Variants in ADGRF5 observed in about 807,000 individuals in gnomAD.
ADGRF5 encodes G-protein coupled receptor 116.
A neutral mutation model predicts 132.3 loss-of-function variants in ADGRF5; 75 were observed. The ratio of observed to expected loss-of-function variants is 0.57; its 90% CI spans 0.47 to 0.69. ADGRF5 has a LOEUF of 0.69. Among genes scored for constraint, ADGRF5 ranks in the 30% least tolerant of loss-of-function variants. The pLI is 0.00. For synonymous variants in ADGRF5, 629 were observed against 597.6 expected, an observed-to-expected ratio of 1.05 and a Z score of -0.77; for missense variants, 1,516 against 1,630.6, an observed-to-expected ratio of 0.93 and a Z score of 1.21.
rs1311137841 is a variant in ADGRF5 at position 46,889,552 on chromosome 6, ATG to A, written c.158-1049_158-1048del. ...ATGTTTATATAGACACTATATATAT[ATG>A]TGTGTGTGTGTGTGTATATATATAT... On this transcript the variant is annotated intron_variant, in intron 3 of 20. Transcript: ENST00000283296. Among the ~76,000 whole-genome samples the A allele has an allele frequency of 7.6e-3, 941 of 124,146 alleles. 12 individuals are homozygous for A. The highest frequency in any genetic ancestry group is 0.033 in the Middle Eastern group (7 of 212). The allele number at this position is 124,146 out of a possible 152,430, so 81.4% of individuals were successfully genotyped here.
At chr6:46,885,998 A>C (rs1460137574) in intron 4 of ADGRF5, among the ~76,000 whole-genome samples, 1 of 152,236 alleles carries the variant, frequency 6.6e-6, no homozygotes, top group Non-Finnish European at 1.5e-5. Context: ...GAGTGCAAGT[A>C]AATTTGTGTC....
intron 3 of ADGRF5, among the ~76,000 whole-genome samples, chr6:46,899,668 G>GTCTGT (rs1554207038): frequency 1.5e-5 from 1 of 67,910 alleles, no homozygotes; most frequent in African/African-American, 3.1e-5. Flanking sequence ...TTTTTTTTTT[G>GTCTGT]TTTGTTTTGT....
At chr6:46,889,992 T>C (rs75702458) in intron 3 of ADGRF5, among the ~76,000 whole-genome samples, 161 of 152,178 alleles carry the variant, frequency 1.1e-3, no homozygotes, top group African/African-American at 3.2e-3. Flanking sequence ...ACCAGATCTA[T>C]GACCTAATCT....
intron 13 of ADGRF5, among the ~76,000 whole-genome samples, chr6:46,866,267 G>T (rs1340975764): frequency 6.6e-6 from 1 of 152,064 alleles, no homozygotes; most frequent in Non-Finnish European, 1.5e-5. Flanking sequence ...CAGAGATGAG[G>T]CCAAGGTCTC....
At chr6:46,904,713 C>T (rs1775137306) in intron 2 of ADGRF5, among the ~76,000 whole-genome samples, 1 of 152,056 alleles carries the variant, frequency 6.6e-6, no homozygotes, top group African/African-American at 2.4e-5. Flanking sequence ...CATATTTTTT[C>T]ACAATTTCAA....
intron 3 of ADGRF5, among the ~76,000 whole-genome samples, chr6:46,893,615 C>A (rs114858464): frequency 2.0e-5 from 3 of 152,176 alleles, no homozygotes; most frequent in Non-Finnish European, 4.4e-5. Context: ...GGCATGAGGA[C>A]AGTTCCTCAA....
At chr6:46,935,202 A>C (rs1777760256) in intron 1 of ADGRF5, among the ~76,000 whole-genome samples, 2 of 151,650 alleles carry the variant, frequency 1.3e-5, no homozygotes, top group South Asian at 4.2e-4. Flanking sequence ...ACAGGGTTTC[A>C]CTGTGTTAGC....
At chr6:46,891,385 A>G (rs1183680477) in intron 3 of ADGRF5, among the ~76,000 whole-genome samples, 1 of 152,244 alleles carries the variant, frequency 6.6e-6, no homozygotes, top group East Asian at 1.9e-4. Context: ...CATAATATTT[A>G]CAAGTTCTGC....
intron 19 of ADGRF5, 103 bp from the exon 20 acceptor site, chr6:46,856,161 C>A: frequency 2.9e-6 from 2 of 681,994 alleles, no homozygotes; most frequent in Non-Finnish European, 5.3e-6. Context: ...TGGTCACTGC[C>A]GGAATCTCTA....
At chr6:46,904,858 C>A (rs1168942410) in intron 2 of ADGRF5, among the ~76,000 whole-genome samples, 1 of 152,126 alleles carries the variant, frequency 6.6e-6, no homozygotes, top group Non-Finnish European at 1.5e-5. Context: ...CAATGGGAGT[C>A]TTCAGCCTTT....
chr6:46,872,996 T>G (rs1207673488), intron 10 of ADGRF5, among the ~76,000 whole-genome samples: 1 of 152,194 alleles, frequency 6.6e-6, no homozygotes, highest in Non-Finnish European at 1.5e-5. Context: ...CTGATTTCCC[T>G]CTTTATCTAT....
At chr6:46,855,657 T>G (rs926169343) in intron 20 of ADGRF5, among the ~76,000 whole-genome samples, 2 of 152,216 alleles carry the variant, frequency 1.3e-5, no homozygotes, top group Non-Finnish European at 2.9e-5. Flanking sequence ...AAGAACTCTG[T>G]GTTTGACAAG....
At position 46,900,077 on chromosome 6, in the gene ADGRF5, G is replaced by A. The variant is rs1774595551; in HGVS notation, c.109C>T (p.His37Tyr). 6.2e-7 allele frequency: 1 copy of A among 1,611,054 alleles called. No individual in the cohort carries two copies. Among genetic ancestry groups the A allele is most frequent in the East Asian group, 2.2e-5 (1 of 44,860 alleles). ...YESTIHPLSL[H>Y]EHEPAGEEAL... is the part of the protein sequence containing the mutation. ...TCTTCACCAGCTGGTTCATGTTCAT[G>A]AAGACTCTGAAAAGAACATTTGAGA... Residue 37 changes from histidine to tyrosine, a missense_variant, in exon 3 of 21, where the codon CAT becomes TAT. Coordinates refer to ENST00000283296, the MANE Select transcript of ADGRF5 (RefSeq NM_001098518.2).
intron 1 of ADGRF5, among the ~76,000 whole-genome samples, chr6:46,913,485 G>C (rs887972998): frequency 2.4e-5 from 3 of 126,446 alleles, no homozygotes; most frequent in African/African-American, 6.4e-5. Flanking sequence ...GGCAACAAAA[G>C]CAAAACTCCA....
chr6:46,941,387 CAAAGAAAAGAAAAGAAAAGAAAAGAAA>C (rs1381096306), intron 1 of ADGRF5, among the ~76,000 whole-genome samples: 2 of 83,120 alleles, frequency 2.4e-5, no homozygotes, highest in African/African-American at 1.0e-4. Flanking sequence ...AAGAAAGAAA[CAAAGAAAAGAAAAGAAAAGAAAAGAAA>C]AGAAAAGAAA....
chr6:46,884,733 A>G (rs181570715), intron 4 of ADGRF5, among the ~76,000 whole-genome samples: 3 of 152,288 alleles, frequency 2.0e-5, no homozygotes, highest in East Asian at 3.9e-4. Flanking sequence ...TAAAAACACT[A>G]TAGTTCCTCT....
At chr6:46,871,408 G>A (rs1189614047) in intron 11 of ADGRF5, among the ~76,000 whole-genome samples, 2 of 152,150 alleles carry the variant, frequency 1.3e-5, no homozygotes, top group Non-Finnish European at 2.9e-5. Flanking sequence ...GGAGGAATGA[G>A]GAAGGGTGTT....
At chr6:46,877,895 G>A (rs765896750) in intron 10 of ADGRF5, among the ~76,000 whole-genome samples, 1 of 152,176 alleles carries the variant, frequency 6.6e-6, no homozygotes, top group Non-Finnish European at 1.5e-5. Flanking sequence ...GTGAGCACAA[G>A]CTTTTCTTGT....
chr6:46,875,708 C>A (rs1222783963), intron 10 of ADGRF5, among the ~76,000 whole-genome samples: 3 of 152,032 alleles, frequency 2.0e-5, no homozygotes, highest in Admixed American at 6.6e-5. Context: ...ACCCCAGGAG[C>A]GGAGGTTGCA....
Sources: gnomAD v4.1 joint callset for allele counts (sites outside exome capture counted in the v4.1 genomes callset) on GRCh38, gnomAD v4.1.1 for gene constraint, MANE v1.5 for transcripts, NCBI Gene and HGNC (gene_info 2026-07-23, HGNC 2026-07-21) for gene names.